Variants in BCDIN3D observed in about 807,000 individuals in gnomAD.
BCDIN3D encodes RNA 5'-monophosphate methyltransferase.
In BCDIN3D, 15 loss-of-function variants were observed where a neutral mutation model predicts 21.2. The observed-to-expected ratio is 0.71, with a 90% CI of 0.47 to 1.09. The LOEUF (loss-of-function observed/expected upper bound fraction) is 1.09, where lower values mean the gene tolerates loss of function less well. BCDIN3D is among the 50% of genes least tolerant of loss of function. The pLI is 0.00. For synonymous variants in BCDIN3D, 127 were observed against 141.9 expected (o/e 0.90, Z 0.75); for missense variants, 331 against 366.2 (o/e 0.90, Z 0.79).
At chr12:49,841,120 T>C (rs1946550291) in intron 1 of BCDIN3D, 1 of 151,790 alleles carries the variant, frequency 6.6e-6, no homozygotes, top group Non-Finnish European at 1.5e-5. Context: ...AAAAAAAGAA[T>C]GTGGTGATAT....
chr12:49,839,139 A>G lies in BCDIN3D; in HGVS notation c.235-124T>C, dbSNP rs188147777. The G allele has an allele frequency of 6.3e-5, 75 of 1,195,222 alleles. No homozygotes were observed. The African/African-American group carries it at 1.0e-3, about 17-fold the overall frequency. The allele number at this position is 1,195,222 out of a possible 1,614,324, so 74.0% of individuals were successfully genotyped here. A position where few individuals can be genotyped will look rare whatever the true frequency, so the allele number is the denominator to read the frequency against. ...GCTGTATAGGATGTGAGGTTCCTAA[A>G]CCATAACCTAAAGAGGTTGTGCAAA... is the stretch of plus-strand genomic sequence containing the variant. On this transcript the variant is annotated intron_variant, in intron 1 of 1. Transcript: ENST00000333924.
In BCDIN3D at chr12:49,838,221, T is replaced by C; in HGVS notation, c.*150A>G. On this transcript the variant is annotated 3_prime_UTR_variant, in exon 2 of 2. Transcript: ENST00000333924. ...GTTCCAAACAATGGGGAACAGATAC[T>C]GATTCTTTCAATTATGTGCCTTGGA... 1 of 738,458 alleles carries C rather than the reference T, an allele frequency of 1.4e-6. No homozygotes were observed. The highest frequency in any genetic ancestry group is 2.2e-6 in the Non-Finnish European group (1 of 455,498). 45.7% of individuals were successfully genotyped at this position (738,458 alleles called of 1,614,324 possible).
At chr12:49,839,108 C>G in intron 1 of BCDIN3D, 93 bp from the exon 2 acceptor site, 1 of 1,385,526 alleles carries the variant, frequency 7.2e-7, no homozygotes. Context: ...ATGCCACTTA[C>G]CTCTGGCTGT....
At chr12:49,839,326 G>C (rs1946535960) in intron 1 of BCDIN3D, 1 of 317,732 alleles carries the variant, frequency 3.1e-6, no homozygotes, top group Non-Finnish European at 5.9e-6. Flanking sequence ...CCCAGCTTAA[G>C]TAATATGCTG....
In BCDIN3D at chr12:49,843,077, G is replaced by T. The variant is rs564333472; in HGVS notation, c.11C>A (p.Pro4His). 4 of 1,613,316 alleles carry T rather than the reference G, an allele frequency of 2.5e-6. No individual in the cohort carries two copies. Among genetic ancestry groups the T allele is most frequent in the Admixed American group, 1.7e-5 (1 of 59,960 alleles). ...AACACTCCCTCCATCCAGTTCCGTGGGCACCGCCATTAGCCTCAACACAGC... is the reference window on the plus strand; with the variant it reads ...AACACTCCCTCCATCCAGTTCCGTGTGCACCGCCATTAGCCTCAACACAGC... MAV[P>H]TELDGGSVKE... The change falls in exon 1 of 2, where the codon CCC becomes CAC. Residue 4 changes from proline to histidine, a missense_variant. Coordinates refer to ENST00000333924, the MANE Select transcript of BCDIN3D (RefSeq NM_181708.3).
Position 49,838,255 on chromosome 12 carries a change from C to T in BCDIN3D, c.*116G>A. 1 of 1,081,928 alleles carries T rather than the reference C, an allele frequency of 9.2e-7. No individual in the cohort carries two copies. The highest frequency in any genetic ancestry group is 1.3e-6 in the Non-Finnish European group (1 of 755,446). The allele number at this position is 1,081,928 out of a possible 1,614,324, so 67.0% of individuals were successfully genotyped here. On this transcript the variant is annotated 3_prime_UTR_variant, in exon 2 of 2. Transcript: ENST00000333924. ...CAATTATGTGCCTTGGACATTTTAC[C>T]AAAAGCTCCTGCCAGGTTTTGCGGC...
intron 1 of BCDIN3D, chr12:49,840,899 G>A (rs118178167): frequency 0.021 from 3,231 of 152,112 alleles, 46 homozygotes; most frequent in Non-Finnish European, 0.034. Flanking sequence ...AAGGCTCACT[G>A]CAGCCTCGAC....
rs1483295301 is a variant in BCDIN3D, at chr12:49,843,009, C to T, written c.79G>A (p.Gly27Ser). Residue 27 changes from glycine to serine, a missense_variant, in exon 1 of 2, where the codon GGC becomes AGC. Physicochemically the swap from Gly to Ser is moderately conservative, Grantham distance 56 (BLOSUM62 0). Coordinates refer to ENST00000333924, the MANE Select transcript of BCDIN3D (RefSeq NM_181708.3). ...GGAAAATTTCCGAACGGGGCGGCGCCAGGTGCCAGAACTCGCGATTCCTCT... is the reference window on the plus strand; with the variant it reads ...GGAAAATTTCCGAACGGGGCGGCGCTAGGTGCCAGAACTCGCGATTCCTCT... ...AEEESRVLAP[G>S]AAPFGNFPHY... The T allele has an allele frequency of 6.2e-7, 1 of 1,614,214 alleles. No homozygotes were observed. The highest frequency in any genetic ancestry group is 8.5e-7 in the Non-Finnish European group (1 of 1,180,050).
At position 49,838,890 on chromosome 12, in the gene BCDIN3D, T is replaced by C. The variant is rs1417506880; in HGVS notation, c.360A>G (p.Glu120=). 4.3e-6 allele frequency: 7 copies of C among 1,614,226 alleles called. No homozygotes were observed. Among genetic ancestry groups the C allele is most frequent in the East Asian group, 2.2e-5 (1 of 44,880 alleles). Residue 120 remains glutamate (E), a synonymous_variant, in exon 2 of 2, where the codon GAA becomes GAG. Transcript: ENST00000333924. ...DIDPVLVKRA[E]KECPFPDALT... is the part of the protein sequence containing the mutation. The stretch of plus-strand genomic sequence containing the variant: ...AGGCATCAGGAAAAGGACATTCTTT[T>C]TCGGCTCGCTTCACCAGGACTGGAT...
chr12:49,842,819 G>A, intron 1 of BCDIN3D, 35 bp downstream of exon 1: 1 of 1,546,440 alleles, frequency 6.5e-7, no homozygotes, highest in Non-Finnish European at 8.8e-7. Flanking sequence ...CAACCACTTG[G>A]CTCCGGATGC....
At chr12:49,839,282 A>C (rs879177755) in intron 1 of BCDIN3D, 3 of 434,024 alleles carry the variant, frequency 6.9e-6, no homozygotes, top group South Asian at 2.7e-5. Context: ...GTTACAGCCA[A>C]ATGGATGCAG....
intron 1 of BCDIN3D, 140 bp from the exon 2 acceptor site, chr12:49,839,155 G>A: frequency 2.9e-6 from 3 of 1,024,446 alleles, no homozygotes; most frequent in East Asian, 2.6e-5. Context: ...ACCTAAAGAG[G>A]TTGTGCAAAA....
At chr12:49,841,779 C>T (rs1456025789) in intron 1 of BCDIN3D, among the ~76,000 whole-genome samples, 1 of 152,158 alleles carries the variant, frequency 6.6e-6, no homozygotes, top group Non-Finnish European at 1.5e-5. Context: ...AGGACAGCAA[C>T]GTAACAGAAT....
chr12:49,839,253 T>C (rs2137061105), intron 1 of BCDIN3D: 1 of 498,914 alleles, frequency 2.0e-6, no homozygotes, highest in South Asian at 2.4e-5. Flanking sequence ...TGATGATAGA[T>C]TGGGTTGTAT....
rs762054266 is a variant in BCDIN3D, at chr12:49,843,059, C to T, written c.29G>A (p.Gly10Glu). 1.9e-6 allele frequency: 3 copies of T among 1,614,178 alleles called. No homozygotes were observed. The highest frequency in any genetic ancestry group is 2.5e-6 in the Non-Finnish European group (3 of 1,180,028). Reference sequence around the variant, plus strand: ...TTCCGCTGCGGTCTCCTTAACACTCCCTCCATCCAGTTCCGTGGGCACCGC... The same window carrying T: ...TTCCGCTGCGGTCTCCTTAACACTCTCTCCATCCAGTTCCGTGGGCACCGC... MAVPTELDG[G>E]SVKETAAEEE... The change falls in exon 1 of 2, where the codon GGG (glycine) becomes GAG (glutamate). Residue 10 changes from glycine to glutamate, a missense_variant. Gly to Glu is a moderately conservative substitution (Grantham distance 98, BLOSUM62 -2). Coordinates refer to ENST00000333924, the MANE Select transcript of BCDIN3D (RefSeq NM_181708.3).
chr12:49,841,211 T>C (rs1178063981), intron 1 of BCDIN3D: 1 of 152,216 alleles, frequency 6.6e-6, no homozygotes, highest in Non-Finnish European at 1.5e-5. Flanking sequence ...TGTACGTAAA[T>C]GCTGGTATAC....
rs1555154963 is a variant in BCDIN3D at position 49,842,883 on chromosome 12, G to T, written c.205C>A (p.Leu69Met). The part of the protein sequence containing the change: ...FPESPENGPI[L>M]GLDVGCNSGD... The stretch of plus-strand genomic sequence containing the variant: ...GAGTTACACCCCACGTCGAGCCCCA[G>T]AATCGGCCCGTTCTCGGGACTCTCA... The change falls in exon 1 of 2, where the codon CTG becomes ATG. Residue 69 changes from leucine to methionine, a missense_variant. Leu to Met is a conservative substitution (Grantham distance 15). Coordinates refer to ENST00000333924, the MANE Select transcript of BCDIN3D (RefSeq NM_181708.3). 1 of 1,610,536 alleles carries T rather than the reference G, an allele frequency of 6.2e-7. No individual in the cohort carries two copies. The highest frequency in any genetic ancestry group is 1.3e-5 in the African/African-American group (1 of 74,868).
chr12:49,839,472 C>T (rs11169174), intron 1 of BCDIN3D: 2,762 of 160,536 alleles, frequency 0.017, 88 homozygotes, highest in African/African-American at 0.063. Flanking sequence ...TTCTCAGACC[C>T]GCGGTGGGGG....
chr12:49,838,445 CTA>C lies in BCDIN3D; in HGVS notation c.803_804del (p.Ile268ArgfsTer7), dbSNP rs1946526044. The C allele has an allele frequency of 6.2e-7, 1 of 1,613,492 alleles. No homozygotes were observed. Among genetic ancestry groups the C allele is most frequent in the African/African-American group, 1.3e-5 (1 of 74,906 alleles). On this transcript the variant is annotated frameshift_variant, in exon 2 of 2. Transcript: ENST00000333924. LOFTEE classifies it high-confidence loss of function. ...AGTGATTCAGGGATTGGATGAGTCT[CTA>C]TGGTTTGTTTTGCCCTGAAGAGCAG... is the stretch of plus-strand genomic sequence containing the variant. ...SLLLFRAKQT[I>X]ETHPIPESLI...
Sources: allele counts gnomAD v4.1 joint callset (sites outside exome capture counted in the v4.1 genomes callset), GRCh38; gene constraint gnomAD v4.1.1; transcripts MANE v1.5; gene names NCBI Gene and HGNC (gene_info 2026-07-23, HGNC 2026-07-21).